Variants in IGF1R observed in about 807,000 individuals in gnomAD.
IGF1R encodes insulin like growth factor 1 receptor, also known as insulin-like growth factor 1 receptor.
Under a neutral mutation model 144.6 loss-of-function variants are expected in IGF1R, and 44 were observed. That is an observed-to-expected ratio of 0.30 (90% CI 0.24 to 0.39). The LOEUF is 0.39. Among genes scored for constraint, IGF1R ranks in the 10% least tolerant of loss-of-function variants. The probability of loss-of-function intolerance (pLI) is 1.00; values close to 1 mark genes in which losing one functional copy is unlikely to be tolerated. For missense variants in IGF1R, 1,355 were observed against 1,833.7 expected, an observed-to-expected ratio of 0.74 and a Z score of 4.77; for synonymous variants, 795 against 722.8, an observed-to-expected ratio of 1.10 and a Z score of -1.60.
At chr15:98,839,407 C>T (rs993197953) in intron 2 of IGF1R, among the ~76,000 whole-genome samples, 1 of 152,182 alleles carries the variant, frequency 6.6e-6, no homozygotes, top group Non-Finnish European at 1.5e-5. Context: ...CATCACCACC[C>T]ACCCTCCCAG....
In IGF1R at chr15:98,957,136, C is replaced by G; in HGVS notation, c.3798C>G (p.Ile1266Met). The G allele has an allele frequency of 6.2e-7, 1 of 1,614,204 alleles. No homozygotes were observed. Among genetic ancestry groups the G allele is most frequent in the Non-Finnish European group, 8.5e-7 (1 of 1,180,022 alleles). Reference protein sequence around the residue: ...RPSFLEIISSIKEEMEPGFRE... With the variant: ...RPSFLEIISSMKEEMEPGFRE... ...CCTTCCTGGAGATCATCAGCAGCAT[C>G]AAAGAGGAGATGGAGCCTGGCTTCC... is the stretch of plus-strand genomic sequence containing the variant. The change falls in exon 21 of 21, where the codon ATC becomes ATG. Residue 1266 changes from isoleucine (I) to methionine (M), a missense_variant. Coordinates refer to ENST00000650285, the MANE Select transcript of IGF1R (RefSeq NM_000875.5).
At chr15:98,753,526 C>T (rs2055074299) in intron 2 of IGF1R, among the ~76,000 whole-genome samples, 1 of 151,736 alleles carries the variant, frequency 6.6e-6, no homozygotes, top group Non-Finnish European at 1.5e-5. Context: ...AGCCACTATG[C>T]CTGGCCAATA....
At position 98,959,388 on chromosome 15, in the gene IGF1R, G is replaced by A. The variant is rs990525301; in HGVS notation, c.*1946G>A. The stretch of plus-strand genomic sequence containing the variant: ...CCCTCGCCACCCCCCTCACCGGACC[G>A]ACTGACCTGTCTTTGGAACCAGAAC... On this transcript the variant is annotated 3_prime_UTR_variant, in exon 21 of 21. Coordinates refer to ENST00000650285, the MANE Select transcript of IGF1R (RefSeq NM_000875.5). 2.6e-5 allele frequency: 6 copies of A among 233,632 alleles called. No homozygotes were observed. The East Asian group carries it at 3.0e-4, about 12-fold the overall frequency. The allele number at this position is 233,632 out of a possible 1,614,324, so 14.5% of individuals were successfully genotyped here. A position where few individuals can be genotyped will look rare whatever the true frequency, so the allele number is the denominator to read the frequency against.
intron 3 of IGF1R, among the ~76,000 whole-genome samples, chr15:98,895,533 C>T (rs1448217297): frequency 1.3e-5 from 2 of 152,060 alleles, no homozygotes; most frequent in African/African-American, 4.8e-5. Flanking sequence ...ATGTTGAATG[C>T]AATGGTAGAG....
intron 2 of IGF1R, among the ~76,000 whole-genome samples, chr15:98,816,418 T>A (rs2056697117): frequency 6.6e-6 from 1 of 152,208 alleles, no homozygotes; most frequent in South Asian, 2.1e-4. Context: ...CGAAAGCACT[T>A]GCCTGTGTTG....
At chr15:98,905,265 G>A (rs2014676450) in intron 5 of IGF1R, among the ~76,000 whole-genome samples, 1 of 152,186 alleles carries the variant, frequency 6.6e-6, no homozygotes, top group South Asian at 2.1e-4. Context: ...CTACCCAAGT[G>A]TAGAAATAAA....
chr15:98,944,954 T>A (rs1169588847), intron 19 of IGF1R, among the ~76,000 whole-genome samples: 2 of 152,246 alleles, frequency 1.3e-5, no homozygotes, highest in East Asian at 3.8e-4. Flanking sequence ...ATAAGATAGG[T>A]CTAGGAGTCA....
At chr15:98,838,798 G>A (rs2011128992) in intron 2 of IGF1R, among the ~76,000 whole-genome samples, 1 of 152,236 alleles carries the variant, frequency 6.6e-6, no homozygotes, top group East Asian at 1.9e-4. Context: ...AGGCTTCCCT[G>A]TCACTGCTGA....
intron 2 of IGF1R, among the ~76,000 whole-genome samples, chr15:98,773,593 G>T (rs1265931709): frequency 1.3e-5 from 2 of 152,136 alleles, no homozygotes; most frequent in East Asian, 3.9e-4. Context: ...ACTCTTATCT[G>T]CACTGCATAG....
At chr15:98,918,466 C>A (rs774816924) in intron 10 of IGF1R, among the ~76,000 whole-genome samples, 1 of 152,066 alleles carries the variant, frequency 6.6e-6, no homozygotes, top group African/African-American at 2.4e-5. Context: ...TATCTCACTT[C>A]GAGAAATCAG....
chr15:98,902,064 A>C (rs971096186), intron 5 of IGF1R, among the ~76,000 whole-genome samples: 1 of 152,186 alleles, frequency 6.6e-6, no homozygotes, highest in Non-Finnish European at 1.5e-5. Flanking sequence ...GTTTAAGCCA[A>C]GATAGCTTTC....
At chr15:98,860,130 G>A (rs2012067290) in intron 2 of IGF1R, among the ~76,000 whole-genome samples, 1 of 152,238 alleles carries the variant, frequency 6.6e-6, no homozygotes, top group African/African-American at 2.4e-5. Context: ...TGGCCAGGCT[G>A]GAGTTTCTTG....
At chr15:98,927,364 C>CCTG (rs1451011301) in intron 13 of IGF1R, among the ~76,000 whole-genome samples, 1 of 152,190 alleles carries the variant, frequency 6.6e-6, no homozygotes, top group Non-Finnish European at 1.5e-5. Flanking sequence ...TCCTTGTGTG[C>CCTG]CTGAATACTA....
At chr15:98,741,124 C>T (rs1003408828) in intron 2 of IGF1R, among the ~76,000 whole-genome samples, 2 of 151,738 alleles carry the variant, frequency 1.3e-5, no homozygotes, top group Non-Finnish European at 2.9e-5. Flanking sequence ...TAGAATGACT[C>T]TCTTGGGTAA....
In IGF1R at chr15:98,869,518, C is replaced by T. The variant is rs191254243; in HGVS notation, c.641-21807C>T. Among the ~76,000 whole-genome samples, 714 of 151,906 alleles carry T rather than the reference C, an allele frequency of 4.7e-3. 14 individuals carry two copies. Among genetic ancestry groups the T allele is most frequent in the African/African-American group, 0.016 (665 of 41,354 alleles). On this transcript the variant is annotated intron_variant, in intron 2 of 20. Coordinates refer to ENST00000650285, the MANE Select transcript of IGF1R (RefSeq NM_000875.5). ...GGCACGATCTCCGGCTCACCGCAACCTCCACCTCTCGGGTTCAAGCGATTC... is the reference window on the plus strand; with the variant it reads ...GGCACGATCTCCGGCTCACCGCAACTTCCACCTCTCGGGTTCAAGCGATTC...
intron 2 of IGF1R, among the ~76,000 whole-genome samples, chr15:98,786,968 C>T (rs112467596): frequency 9.8e-5 from 15 of 152,300 alleles, no homozygotes; most frequent in African/African-American, 3.1e-4. Flanking sequence ...GCCTGGGTTT[C>T]GGATTGAAAT....
In IGF1R at chr15:98,764,090, A is replaced by G. The variant is rs532954823; in HGVS notation, c.640+55983A>G. Reference sequence around the variant, plus strand: ...TTCTTGTGAGGGCTGTATTAGCAATAAATAGACATTTAGTTTGCATATTTA... The same window carrying G: ...TTCTTGTGAGGGCTGTATTAGCAATGAATAGACATTTAGTTTGCATATTTA... On this transcript the variant is annotated intron_variant, in intron 2 of 20. Coordinates refer to ENST00000650285, the MANE Select transcript of IGF1R (RefSeq NM_000875.5). Among the ~76,000 whole-genome samples, 9 of 152,348 alleles carry G rather than the reference A, an allele frequency of 5.9e-5. No homozygotes were observed. In the South Asian group the frequency reaches 1.7e-3, roughly 28 times the overall value.
At chr15:98,843,127 C>T (rs2011204741) in intron 2 of IGF1R, among the ~76,000 whole-genome samples, 1 of 152,218 alleles carries the variant, frequency 6.6e-6, no homozygotes. Flanking sequence ...ATTTTGGTTG[C>T]TGTGAAATTG....
intron 2 of IGF1R, among the ~76,000 whole-genome samples, chr15:98,824,449 C>G (rs964551839): frequency 1.3e-5 from 2 of 152,214 alleles, no homozygotes; most frequent in African/African-American, 4.8e-5. Context: ...TTCTTCTTAT[C>G]TAAATAACTC....
Sources: gnomAD v4.1 joint callset for allele counts (sites outside exome capture counted in the v4.1 genomes callset) on GRCh38, gnomAD v4.1.1 for gene constraint, MANE v1.5 for transcripts, NCBI Gene and HGNC (gene_info 2026-07-23, HGNC 2026-07-21) for gene names.